ANO1: variants seen among roughly 807,000 people sequenced by gnomAD.
ANO1 encodes the protein anoctamin-1.
Under a neutral mutation model 124.0 loss-of-function variants are expected in ANO1, and 59 were observed. The ratio of observed to expected loss-of-function variants is 0.48; its 90% CI spans 0.39 to 0.59. The LOEUF (loss-of-function observed/expected upper bound fraction) is 0.59. ANO1 is among the 20% of genes least tolerant of loss of function. The probability of loss-of-function intolerance (pLI) is 0.00; values close to 1 mark genes in which losing one functional copy is unlikely to be tolerated. For missense variants in ANO1, 1,059 were observed against 1,328.0 expected, an observed-to-expected ratio of 0.80 and a Z score of 3.15; for synonymous variants, 529 against 532.0, an observed-to-expected ratio of 0.99 and a Z score of 0.08.
In ANO1 at chr11:70,029,401, C is replaced by T. The variant is rs1274388320; in HGVS notation, c.58+43235C>T. Among the ~76,000 whole-genome samples the T allele has an allele frequency of 2.0e-5, 3 of 152,222 alleles. No individual in the cohort carries two copies. In the East Asian group the frequency reaches 5.8e-4, roughly 29 times the overall value. On this transcript the variant is annotated intron_variant, in intron 1 of 27. Coordinates refer to the ANO1 transcript ENST00000531349. ...CTCAAAAGCCCACTCGGCTCATTTG[C>T]TTCAAGAGCCATTTGTAGGGGGTGT...
chr11:70,117,163 C>T (rs981974775), intron 8 of ANO1, among the ~76,000 whole-genome samples: 3 of 134,392 alleles, frequency 2.2e-5, no homozygotes, highest in Non-Finnish European at 3.1e-5. Flanking sequence ...CTCTGCCTCC[C>T]GGGTTCAAGT....
chr11:70,097,864 T>C (rs1034139192), intron 2 of ANO1, among the ~76,000 whole-genome samples: 1 of 152,174 alleles, frequency 6.6e-6, no homozygotes, highest in African/African-American at 2.4e-5. Context: ...GATACATCAG[T>C]CAGCTAAACA....
chr11:70,041,103 C>T (rs915043682), intron 1 of ANO1, among the ~76,000 whole-genome samples: 12 of 152,142 alleles, frequency 7.9e-5, no homozygotes, highest in African/African-American at 2.7e-4. Flanking sequence ...TTGGGGCACA[C>T]CCACCCCACC....
rs188216391 is a variant in ANO1 at position 70,007,518 on chromosome 11, C to T, written c.58+21352C>T. On this transcript the variant is annotated intron_variant, in intron 1 of 27. Coordinates refer to the ANO1 transcript ENST00000531349. ...GTCTCGATCTCCTGACCTCGTGATC[C>T]GCCGGCCCATCTTGGCCTCCCAAAG... 4.6e-3 allele frequency among the ~76,000 whole-genome samples: 701 copies of T among 152,152 alleles called. 5 individuals carry two copies. The highest frequency in any genetic ancestry group is 0.012 in the African/African-American group (499 of 41,506).
chr11:70,089,290 G>T lies in ANO1; in HGVS notation c.441+1206G>T, dbSNP rs567175901. 5.3e-5 allele frequency among the ~76,000 whole-genome samples: 8 copies of T among 152,340 alleles called. No homozygotes were observed. The South Asian group carries it at 1.4e-3, about 28-fold the overall frequency. ...ATGTTGAAAATGAACGTTGGCTTTGGTTTGAAATTTCATCCACAGGCACCA... is the reference window on the plus strand; with the variant it reads ...ATGTTGAAAATGAACGTTGGCTTTGTTTTGAAATTTCATCCACAGGCACCA... On this transcript the variant is annotated intron_variant, in intron 2 of 25. Transcript: ENST00000355303.
rs777407599 is a variant in ANO1 at position 70,161,154 on chromosome 11, C to T, written c.1579-7C>T. ...CCCAACCAAGAGTGCCCCTTTCCCC[C>T]CTGCAGATTGCAGTGACGTTTGCCA... On this transcript the variant is annotated splice_region_variant and splice_polypyrimidine_tract_variant and intron_variant, in intron 16 of 25. Transcript: ENST00000355303. 9 of 1,612,474 alleles carry T rather than the reference C, an allele frequency of 5.6e-6. No homozygotes were observed. Among genetic ancestry groups the T allele is most frequent in the South Asian group, 1.1e-5 (1 of 90,914 alleles).
chr11:70,012,998 G>T (rs1856627856), intron 1 of ANO1, among the ~76,000 whole-genome samples: 1 of 152,194 alleles, frequency 6.6e-6, no homozygotes, highest in South Asian at 2.1e-4. Flanking sequence ...AACTGAGAGG[G>T]GCGCAATGAA....
intron 11 of ANO1, among the ~76,000 whole-genome samples, chr11:70,138,070 C>T (rs572657893): frequency 4.7e-5 from 7 of 147,540 alleles, no homozygotes; most frequent in Non-Finnish European, 7.5e-5. Flanking sequence ...GCTGGCTGGG[C>T]GCGGTGGTTC....
intron 1 of ANO1, chr11:70,056,554 C>T (rs1857438379): frequency 6.6e-6 from 1 of 151,608 alleles, no homozygotes; most frequent in Non-Finnish European, 1.5e-5. Flanking sequence ...AAAAATAACG[C>T]AAGAAAAATA....
At chr11:70,053,409 G>C (rs1857385144) in intron 1 of ANO1, among the ~76,000 whole-genome samples, 1 of 152,086 alleles carries the variant, frequency 6.6e-6, no homozygotes, top group African/African-American at 2.4e-5. Flanking sequence ...ATTTGTTGTA[G>C]GTTTAGTCAT....
chr11:70,071,601 C>T (rs1857875265), intron 1 of ANO1, among the ~76,000 whole-genome samples: 1 of 149,446 alleles, frequency 6.7e-6, no homozygotes, highest in Non-Finnish European at 1.5e-5. Context: ...AAGAGAATGG[C>T]CAAGGTCTGA....
chr11:70,185,606 G>A lies in ANO1; in HGVS notation c.2605G>A (p.Glu869Lys). 1 of 1,613,920 alleles carries A rather than the reference G, an allele frequency of 6.2e-7. No homozygotes were observed. The highest frequency in any genetic ancestry group is 1.1e-5 in the South Asian group (1 of 91,078). ...CTTTTGCAGGTATAAAGACTACCGA[G>A]AGCCGCCGTGGTCGGAAAACAAGTA... ...VQICRYKDYR[E>K]PPWSENKYDI... The change falls in exon 25 of 26, where the codon GAG (glutamate) becomes AAG (lysine). Residue 869 changes from glutamate (E) to lysine (K), a missense_variant. By Grantham distance (56) the Glu-to-Lys change is moderately conservative (BLOSUM62 1). This residue lies in a region of ANO1 where 809 missense variants were observed against 1,094.9 expected (regional missense o/e 0.74). Transcript: ENST00000355303.
intron 1 of ANO1, among the ~76,000 whole-genome samples, chr11:70,062,372 C>T (rs545816669): frequency 9.9e-5 from 15 of 152,130 alleles, no homozygotes; most frequent in East Asian, 7.7e-4. Flanking sequence ...CCACCACGCC[C>T]GGCCGAGGTG....
chr11:70,044,406 C>G (rs1252104397), intron 1 of ANO1, among the ~76,000 whole-genome samples: 1 of 152,102 alleles, frequency 6.6e-6, no homozygotes, highest in Non-Finnish European at 1.5e-5. Flanking sequence ...CAATTGTATG[C>G]TATTTCCCTC....
At chr11:70,045,066 T>C (rs77059288) in intron 1 of ANO1, among the ~76,000 whole-genome samples, 5,207 of 152,110 alleles carry the variant, frequency 0.034, 132 homozygotes, top group East Asian at 0.11. Flanking sequence ...GAACTAGAAA[T>C]GGGGATATGA....
rs7102537 is a variant in ANO1, at chr11:70,170,838, A to C, written c.2198-49A>C. The C allele has an allele frequency of 2.0e-4, 323 of 1,588,306 alleles. No homozygotes were observed. The African/African-American group carries it at 4.0e-3, about 20-fold the overall frequency. On this transcript the variant is annotated intron_variant, in intron 21 of 25. Coordinates refer to ENST00000355303, the MANE Select transcript of ANO1 (RefSeq NM_018043.7). ...ACACGGGGTGGTGGAGTCCCCCCTTATGGGCTGTGGCTCACGGGGTGCTGA... is the reference window on the plus strand; with the variant it reads ...ACACGGGGTGGTGGAGTCCCCCCTTCTGGGCTGTGGCTCACGGGGTGCTGA...
At chr11:70,018,428 G>C (rs1452891684) in intron 1 of ANO1, 2 of 152,186 alleles carry the variant, frequency 1.3e-5, no homozygotes, top group Non-Finnish European at 2.9e-5. Flanking sequence ...GGCCCTTTGT[G>C]GGCAGGTGGG....
At chr11:70,072,942 A>G (rs1484268437) in intron 1 of ANO1, 2 of 152,238 alleles carry the variant, frequency 1.3e-5, no homozygotes, top group African/African-American at 4.8e-5. Context: ...TATCATGTCT[A>G]GGGAGAAAAT....
intron 12 of ANO1, among the ~76,000 whole-genome samples, chr11:70,151,248 G>A (rs1026031245): frequency 2.0e-5 from 3 of 152,212 alleles, no homozygotes; most frequent in African/African-American, 2.4e-5. Context: ...GCCACTGGGC[G>A]ACACCTTTAT....
Sources: allele counts gnomAD v4.1 joint callset (sites outside exome capture counted in the v4.1 genomes callset), GRCh38; gene constraint gnomAD v4.1.1; regional missense constraint gnomAD v4.1.1; transcripts MANE v1.5; gene names NCBI Gene and HGNC (gene_info 2026-07-23, HGNC 2026-07-21).